The following PRLR variants were observed in gnomAD, a reference collection of about 807,000 sequenced individuals.
PRLR encodes prolactin receptor.
A neutral mutation model predicts 40.2 loss-of-function variants in PRLR; 13 were observed. The observed-to-expected ratio is 0.32, with a 90% CI of 0.21 to 0.51. PRLR has a LOEUF of 0.51. PRLR is among the 20% of genes least tolerant of loss of function. PRLR has a pLI of 0.97. For missense variants in PRLR, 656 were observed against 747.3 expected (o/e 0.88, Z 1.42); for synonymous variants, 269 against 278.7 (o/e 0.97, Z 0.35).
intron 9 of PRLR, 103 bp from the exon 10 acceptor site, chr5:35,066,205 A>G: frequency 8.6e-7 from 1 of 1,168,834 alleles, no homozygotes; most frequent in Non-Finnish European, 1.2e-6. Context: ...GCAGGTGGGA[A>G]GATCTCAAAC....
intron 1 of PRLR, among the ~76,000 whole-genome samples, chr5:35,180,080 A>T (rs923669729): frequency 4.9e-4 from 75 of 152,178 alleles, no homozygotes; most frequent in Non-Finnish European, 2.4e-4. Flanking sequence ...TTATAGTCTC[A>T]TAAGGAGTGT....
At chr5:35,077,967 T>G (rs552066338) in intron 5 of PRLR, among the ~76,000 whole-genome samples, 8 of 152,056 alleles carry the variant, frequency 5.3e-5, no homozygotes, top group Non-Finnish European at 8.8e-5. Flanking sequence ...GGGTACATAA[T>G]GAAATGAAGG....
chr5:35,110,364 A>T (rs1772582987), intron 2 of PRLR, among the ~76,000 whole-genome samples: 2 of 149,346 alleles, frequency 1.3e-5, no homozygotes, highest in African/African-American at 5.1e-5. Context: ...AAAGTATAAT[A>T]AAAAAAAATA....
intron 1 of PRLR, among the ~76,000 whole-genome samples, chr5:35,167,342 A>T (rs750833772): frequency 2.8e-4 from 43 of 152,022 alleles, no homozygotes; most frequent in Non-Finnish European, 5.4e-4. Flanking sequence ...GCATTAAATA[A>T]ATTGTTCTGG....
chr5:35,212,775 G>A (rs1201568978), intron 1 of PRLR, among the ~76,000 whole-genome samples: 1 of 152,176 alleles, frequency 6.6e-6, no homozygotes, highest in Non-Finnish European at 1.5e-5. Context: ...AACTGAGGGT[G>A]GGAGGAAGTC....
At position 35,170,298 on chromosome 5, in the gene PRLR, T is replaced by C. The variant is rs960132240; in HGVS notation, c.-105-52176A>G. On this transcript the variant is annotated intron_variant, in intron 1 of 9. Coordinates refer to ENST00000618457, the MANE Select transcript of PRLR (RefSeq NM_000949.7). ...TTCAAGCATCATTAGAAGTTTATCA[T>C]ATGCCTTAAGCAAAGGGGGCCACTA... Among the ~76,000 whole-genome samples the C allele has an allele frequency of 1.1e-4, 16 of 152,198 alleles. 1 individual carries two copies. The highest frequency in any genetic ancestry group is 2.9e-5 in the Non-Finnish European group (2 of 68,030).
At chr5:35,175,167 G>C (rs34171414) in intron 1 of PRLR, among the ~76,000 whole-genome samples, 43,002 of 151,968 alleles carry the variant, frequency 0.28, 6,211 homozygotes, top group Middle Eastern at 0.34. Flanking sequence ...CCCATAATGC[G>C]CACGTGTTGT....
rs186748924 is a variant in PRLR, at chr5:35,154,421, A to C, written c.-105-36299T>G. Among the ~76,000 whole-genome samples the C allele has an allele frequency of 5.8e-4, 88 of 152,218 alleles. 1 individual carries two copies. The East Asian group carries it at 0.016, about 28-fold the overall frequency. On this transcript the variant is annotated intron_variant, in intron 1 of 9. Coordinates refer to ENST00000618457, the MANE Select transcript of PRLR (RefSeq NM_000949.7). ...CACTGTCCTTCCTATTTTTTAACTTATCTATTTATGTATTTATGATCATCA... is the reference window on the plus strand; with the variant it reads ...CACTGTCCTTCCTATTTTTTAACTTCTCTATTTATGTATTTATGATCATCA...
At position 35,084,057 on chromosome 5, in the gene PRLR, G is replaced by A. The variant is rs545741615; in HGVS notation, c.373+413C>T. Among the ~76,000 whole-genome samples the A allele has an allele frequency of 2.6e-4, 40 of 152,256 alleles. No homozygotes were observed. The South Asian group carries it at 7.7e-3, about 29-fold the overall frequency. On this transcript the variant is annotated intron_variant, in intron 5 of 9. Coordinates refer to ENST00000618457, the MANE Select transcript of PRLR (RefSeq NM_000949.7). ...AGCAATGGGAGCAATTGCTGTGGGT[G>A]CAGAATCAGATGAACCCTTCTAAGA...
intron 1 of PRLR, among the ~76,000 whole-genome samples, chr5:35,200,767 T>A (rs1371279501): frequency 1.3e-5 from 2 of 152,176 alleles, no homozygotes; most frequent in Non-Finnish European, 2.9e-5. Flanking sequence ...CCTGACTGAA[T>A]CTTCCCCTGT....
intron 9 of PRLR, 57 bp from the exon 10 acceptor site, chr5:35,066,159 A>G (rs1204393633): frequency 4.6e-6 from 7 of 1,508,288 alleles, no homozygotes; most frequent in Non-Finnish European, 5.4e-6. Flanking sequence ...ATTCCAAATC[A>G]GCATCCCTGC....
rs1381286643 is a variant in PRLR at position 35,208,175 on chromosome 5, G to GCACACACA, written c.-106+22092_-106+22093insTGTGTGTG. On this transcript the variant is annotated intron_variant, in intron 1 of 9. Transcript: ENST00000618457. Reference sequence around the variant, plus strand: ...CCTGCTCCTTCACACACCCACGCGCGCGCACACACACACACACACACACAC... The same window carrying GCACACACA: ...CCTGCTCCTTCACACACCCACGCGCGCACACACACGCACACACACACACACACACACAC... 2.8e-3 allele frequency among the ~76,000 whole-genome samples: 407 copies of GCACACACA among 145,412 alleles called. 2 individuals are homozygous for GCACACACA. Among genetic ancestry groups the GCACACACA allele is most frequent in the Middle Eastern group, 3.5e-3 (1 of 284 alleles).
intron 1 of PRLR, among the ~76,000 whole-genome samples, chr5:35,133,252 C>A (rs146587898): frequency 6.6e-6 from 1 of 152,184 alleles, no homozygotes; most frequent in Non-Finnish European, 1.5e-5. Context: ...AGCTTGCAGA[C>A]GGCACATAAT....
intron 1 of PRLR, among the ~76,000 whole-genome samples, chr5:35,136,969 C>T (rs1415386685): frequency 1.4e-5 from 2 of 145,472 alleles, no homozygotes; most frequent in Non-Finnish European, 3.0e-5. Flanking sequence ...AAAAGCCTAG[C>T]TAATACTTTT....
chr5:35,211,012 C>T (rs1776155331), intron 1 of PRLR, among the ~76,000 whole-genome samples: 1 of 152,170 alleles, frequency 6.6e-6, no homozygotes, highest in African/African-American at 2.4e-5. Flanking sequence ...TGCGCTCATC[C>T]TAACTAGAGA....
chr5:35,083,862 T>C (rs1770683051), intron 5 of PRLR, among the ~76,000 whole-genome samples: 1 of 151,034 alleles, frequency 6.6e-6, no homozygotes, highest in African/African-American at 2.4e-5. Context: ...AAGAATTACA[T>C]GGCACCACCT....
At chr5:35,158,584 ATG>A in intron 1 of PRLR, among the ~76,000 whole-genome samples, 1 of 152,228 alleles carries the variant, frequency 6.6e-6, no homozygotes, top group African/African-American at 2.4e-5. Flanking sequence ...ACCTTGCCCA[ATG>A]AAGGGTGAAT....
At chr5:35,166,275 G>A (rs754433028) in intron 1 of PRLR, among the ~76,000 whole-genome samples, 19 of 152,076 alleles carry the variant, frequency 1.2e-4, no homozygotes, top group Non-Finnish European at 2.6e-4. Context: ...TGTCTGATAC[G>A]TGTTATAGCC....
intron 2 of PRLR, among the ~76,000 whole-genome samples, chr5:35,105,578 G>A (rs777375485): frequency 1.3e-4 from 20 of 152,080 alleles, no homozygotes; most frequent in Non-Finnish European, 2.5e-4. Flanking sequence ...ACTATATGAC[G>A]CATGCACAAG....
Sources: gnomAD v4.1 joint callset for allele counts (sites outside exome capture counted in the v4.1 genomes callset) on GRCh38, gnomAD v4.1.1 for gene constraint, MANE v1.5 for transcripts, NCBI Gene and HGNC (gene_info 2026-07-23, HGNC 2026-07-21) for gene names.